The following ZNF227 variants were observed in gnomAD, a reference collection of about 807,000 sequenced individuals.
The protein encoded by ZNF227 is zinc finger protein 227.
Under a neutral mutation model 13.2 loss-of-function variants are expected in ZNF227, and 12 were observed. That is an observed-to-expected ratio of 0.91 (90% CI 0.58 to 1.47). ZNF227 has a LOEUF of 1.47. Among genes scored for constraint, ZNF227 ranks in the 40% most tolerant of loss-of-function variants. ZNF227 has a pLI of 0.00. For missense variants in ZNF227, 885 were observed against 967.5 expected (o/e 0.91, Z 1.13); for synonymous variants, 338 against 326.0 (o/e 1.04, Z -0.40).
intron 3 of ZNF227, among the ~76,000 whole-genome samples, chr19:44,225,369 C>T (rs1480182649): frequency 2.0e-5 from 3 of 152,190 alleles, no homozygotes; most frequent in Non-Finnish European, 4.4e-5. Flanking sequence ...GTGTTTCCAA[C>T]TTGGTTCCAT....
At chr19:44,230,941 A>ATCTATATCTATATC (rs1568610023) in intron 5 of ZNF227, among the ~76,000 whole-genome samples, 1 of 136,460 alleles carries the variant, frequency 7.3e-6, no homozygotes, top group African/African-American at 3.0e-5. Context: ...ATATATATAT[A>ATCTATATCTATATC]TATATATATA....
Position 44,235,296 on chromosome 19 carries a change from G to A in ZNF227, c.866G>A (p.Arg289Lys). The A allele has an allele frequency of 6.2e-7, 1 of 1,614,146 alleles. No individual in the cohort carries two copies. The highest frequency in any genetic ancestry group is 1.1e-5 in the South Asian group (1 of 91,064). The change falls in exon 6 of 6, where the codon AGA becomes AAA. Residue 289 changes from arginine to lysine, a missense_variant. By Grantham distance (26) the Arg-to-Lys change is conservative (BLOSUM62 2). Transcript: ENST00000313040. ...AGCTCACATCTGCGAACTCATCAGA[G>A]AATTCACCCAGGAGAGAAACTCAAT... ...SQSSHLRTHQ[R>K]IHPGEKLNRC...
rs757235255 is a variant in ZNF227 at position 44,234,825 on chromosome 19, A to C, written c.395A>C (p.Gln132Pro). ...GCAAGTGAATTAACCAGGTGTCTTC[A>C]GGGGAAGAGTTCCCAGTTATTACAA... is the stretch of plus-strand genomic sequence containing the variant. ...QVASELTRCL[Q>P]GKSSQLLQGD... Residue 132 changes from glutamine (Q) to proline (P), a missense_variant, in exon 6 of 6, where the codon CAG becomes CCG. Transcript: ENST00000313040. 6.2e-7 allele frequency: 1 copy of C among 1,614,172 alleles called. No individual in the cohort carries two copies. Among genetic ancestry groups the C allele is most frequent in the Admixed American group, 1.7e-5 (1 of 60,012 alleles).
At chr19:44,230,362 C>A (rs977426048) in intron 5 of ZNF227, among the ~76,000 whole-genome samples, 1 of 152,108 alleles carries the variant, frequency 6.6e-6, no homozygotes, top group Non-Finnish European at 1.5e-5. Context: ...TTCCTCTGCT[C>A]AGAAGCCTTC....
chr19:44,224,905 C>T (rs1358915258), intron 3 of ZNF227, among the ~76,000 whole-genome samples: 1 of 152,190 alleles, frequency 6.6e-6, no homozygotes, highest in Non-Finnish European at 1.5e-5. Flanking sequence ...GTGGCTGGTA[C>T]TGGTTGTTCC....
In ZNF227 at chr19:44,235,689, C is replaced by T. The variant is rs1974383667; in HGVS notation, c.1259C>T (p.Ala420Val). The change falls in exon 6 of 6, where the codon GCT (alanine) becomes GTT (valine). Residue 420 changes from alanine (A) to valine (V), a missense_variant. Physicochemically the swap from Ala to Val is moderately conservative, Grantham distance 64. Coordinates refer to ENST00000313040, the MANE Select transcript of ZNF227 (RefSeq NM_182490.3). ...GAATGTGGTAAGGGCTTCACTCAGG[C>T]TGCACATTTTCACATCCATCAGAGA... Reference protein sequence around the residue: ...CEECGKGFTQAAHFHIHQRVH... With the variant: ...CEECGKGFTQVAHFHIHQRVH... 1 of 1,613,582 alleles carries T rather than the reference C, an allele frequency of 6.2e-7. No homozygotes were observed. Among genetic ancestry groups the T allele is most frequent in the Admixed American group, 1.7e-5 (1 of 59,944 alleles).
At position 44,235,564 on chromosome 19, in the gene ZNF227, A is replaced by T; in HGVS notation, c.1134A>T (p.Lys378Asn). 6.2e-7 allele frequency: 1 copy of T among 1,614,092 alleles called. No individual in the cohort carries two copies. The highest frequency in any genetic ancestry group is 8.5e-7 in the Non-Finnish European group (1 of 1,180,008). The part of the protein sequence containing the change: ...QCHQRVHTEE[K>N]PYKCEECGKG... ...ATCAGAGAGTCCACACTGAAGAAAA[A>T]CCATACAAATGCGAAGAGTGTGGTA... The change falls in exon 6 of 6, where the codon AAA (lysine) becomes AAT (asparagine). Residue 378 changes from lysine (K) to asparagine (N), a missense_variant. Coordinates refer to ENST00000313040, the MANE Select transcript of ZNF227 (RefSeq NM_182490.3).
At chr19:44,220,241 T>C (rs1408783010) in intron 3 of ZNF227, among the ~76,000 whole-genome samples, 1 of 152,154 alleles carries the variant, frequency 6.6e-6, no homozygotes, top group Non-Finnish European at 1.5e-5. Flanking sequence ...AATTAACATA[T>C]GTGTGCATGT....
upstream of ZNF227, chr19:44,207,550 T>C (rs557984876): frequency 2.0e-5 from 3 of 152,254 alleles, no homozygotes; most frequent in Non-Finnish European, 2.9e-5. Context: ...TCTCTTTAGT[T>C]GCTGGGAAGT....
intron 5 of ZNF227, among the ~76,000 whole-genome samples, chr19:44,233,896 T>A (rs4802214): frequency 0.17 from 25,694 of 150,292 alleles, 5,168 homozygotes; most frequent in African/African-American, 0.48. Context: ...CGCTGTTTTT[T>A]AAAAAAAAAA....
chr19:44,212,027 C>G (rs1447606185), upstream of ZNF227, among the ~76,000 whole-genome samples: 1 of 151,124 alleles, frequency 6.6e-6, no homozygotes, highest in Admixed American at 6.6e-5. Context: ...GTAGCTGGGA[C>G]TACAGGCGCG....
intron 3 of ZNF227, among the ~76,000 whole-genome samples, chr19:44,222,371 G>T (rs906972547): frequency 6.6e-6 from 1 of 151,954 alleles, no homozygotes; most frequent in Non-Finnish European, 1.5e-5. Context: ...ACATTTTCAC[G>T]ATATTGATTC....
At chr19:44,212,387 T>TG (rs1388834206), upstream of ZNF227, 1 of 145,314 alleles carries the variant, frequency 6.9e-6, no homozygotes, top group Non-Finnish European at 1.5e-5. Context: ...TGTTTTTTTT[T>TG]TTTTCAAGCG....
intron 4 of ZNF227, 59 bp from the exon 5 acceptor site, chr19:44,229,674 C>T: frequency 1.6e-6 from 2 of 1,239,788 alleles, no homozygotes; most frequent in Admixed American, 2.2e-5. Flanking sequence ...AGGGTTCAGA[C>T]AAAAATGTGT....
chr19:44,217,067 A>G (rs1455342309), intron 2 of ZNF227, among the ~76,000 whole-genome samples: 3 of 150,506 alleles, frequency 2.0e-5, no homozygotes, highest in Non-Finnish European at 4.4e-5. Context: ...GGTTCTAGCA[A>G]TTCTCATGCC....
intron 5 of ZNF227, among the ~76,000 whole-genome samples, chr19:44,230,579 G>A (rs1457531512): frequency 6.6e-6 from 1 of 152,002 alleles, no homozygotes; most frequent in African/African-American, 2.4e-5. Flanking sequence ...TTGCCTTGGT[G>A]GAGAGGCTCC....
Position 44,236,045 on chromosome 19 carries a change from C to T in ZNF227, c.1615C>T (p.Gln539Ter). The change falls in exon 6 of 6, where the codon CAG (glutamine) becomes TAG (stop). Residue 539 changes from glutamine to a stop codon, truncating the protein, a stop_gained. Coordinates refer to ENST00000313040, the MANE Select transcript of ZNF227 (RefSeq NM_182490.3). LOFTEE classifies it low-confidence loss of function (END_TRUNC). ...TCAGTCCTCAAAGCTTCAAACCCAT[C>T]AGCGAGTCCACACTGGAGAGAAACC... ...FSQSSKLQTH[Q>*]RVHTGEKPYR... 1.9e-6 allele frequency: 3 copies of T among 1,614,008 alleles called. No homozygotes were observed. The highest frequency in any genetic ancestry group is 2.5e-6 in the Non-Finnish European group (3 of 1,180,000).
intron 3 of ZNF227, among the ~76,000 whole-genome samples, chr19:44,224,208 A>T (rs1972855069): frequency 6.6e-6 from 1 of 152,126 alleles, no homozygotes; most frequent in Admixed American, 6.6e-5. Flanking sequence ...CAATTTTGGA[A>T]TAGTTGTGGT....
chr19:44,225,876 T>C (rs566220105), intron 3 of ZNF227, among the ~76,000 whole-genome samples: 1 of 152,334 alleles, frequency 6.6e-6, no homozygotes, highest in South Asian at 2.1e-4. Flanking sequence ...TGCTCTGTTT[T>C]TTCCCCATCT....
Sources: allele counts gnomAD v4.1 joint callset (sites outside exome capture counted in the v4.1 genomes callset), GRCh38; gene constraint gnomAD v4.1.1; transcripts MANE v1.5; gene names NCBI Gene and HGNC (gene_info 2026-07-23, HGNC 2026-07-21).